PCDH15: variants seen among roughly 807,000 people sequenced by gnomAD.
PCDH15 encodes the protein protocadherin-15.
Under a neutral mutation model 178.5 loss-of-function variants are expected in PCDH15, and 129 were observed. The observed-to-expected ratio is 0.72, with a 90% CI of 0.63 to 0.84. The LOEUF is 0.84. PCDH15 is among the 40% of genes least tolerant of loss of function. PCDH15 has a pLI of 0.00. For missense variants in PCDH15, 2,230 were observed against 2,099.9 expected (o/e 1.06, Z -1.21); for synonymous variants, 800 against 732.0 (o/e 1.09, Z -1.50).
At chr10:55,555,706 A>C (rs1257023160) in intron 2 of PCDH15, among the ~76,000 whole-genome samples, 5 of 152,122 alleles carry the variant, frequency 3.3e-5, no homozygotes, top group Non-Finnish European at 5.9e-5. Flanking sequence ...ACATGTTAGA[A>C]GTAATGAGGG....
chr10:54,359,244 G>T (rs1457889061), intron 5 of PCDH15, among the ~76,000 whole-genome samples: 3 of 151,622 alleles, frequency 2.0e-5, no homozygotes, highest in East Asian at 3.9e-4. Flanking sequence ...ACTTTTTAAA[G>T]CTTAAATAAA....
At chr10:55,124,843 A>G (rs998067578) in intron 2 of PCDH15, among the ~76,000 whole-genome samples, 3 of 152,094 alleles carry the variant, frequency 2.0e-5, no homozygotes, top group African/African-American at 7.2e-5. Context: ...TGACAGGTGT[A>G]AAAACTAAGA....
intron 23 of PCDH15, among the ~76,000 whole-genome samples, chr10:53,955,719 G>A (rs1467158411): frequency 6.6e-6 from 1 of 152,110 alleles, no homozygotes; most frequent in Non-Finnish European, 1.5e-5. Flanking sequence ...ACAAGAAGTA[G>A]AAGTTTTTTC....
rs114912002 is a variant in PCDH15, at chr10:54,418,079, T to C, written c.158-39137A>G. Among the ~76,000 whole-genome samples the C allele has an allele frequency of 8.5e-3, 1,290 of 151,910 alleles. 22 individuals carry two copies. Among genetic ancestry groups the C allele is most frequent in the African/African-American group, 0.03 (1,226 of 41,516 alleles). On this transcript the variant is annotated intron_variant, in intron 3 of 37. Transcript: ENST00000644397. ...GCCCAGCCACTGTGCCCAGCCACAA[T>C]TGCCACTGTGCCCAGCCACAGTCAG...
intron 21 of PCDH15, among the ~76,000 whole-genome samples, chr10:53,984,148 C>CTTTTCTTTTTTTT (rs2090922522): frequency 1.6e-5 from 1 of 63,560 alleles, no homozygotes; most frequent in African/African-American, 5.5e-5. Flanking sequence ...TTTTTCTTTT[C>CTTTTCTTTTTTTT]TTTTTTTTTT....
At chr10:55,613,775 T>C (rs1437399217) in intron 2 of PCDH15, among the ~76,000 whole-genome samples, 1 of 152,154 alleles carries the variant, frequency 6.6e-6, no homozygotes, top group African/African-American at 2.4e-5. Flanking sequence ...AAATCATTCG[T>C]AGGACAAGGG....
intron 21 of PCDH15, among the ~76,000 whole-genome samples, chr10:53,963,049 T>A (rs184521091): frequency 4.9e-4 from 75 of 152,342 alleles, no homozygotes; most frequent in Admixed American, 1.1e-3. Flanking sequence ...ATTATTCTGA[T>A]GAAGAAGAAG....
chr10:54,569,644 T>A (rs2089517320), intron 2 of PCDH15, among the ~76,000 whole-genome samples: 1 of 152,144 alleles, frequency 6.6e-6, no homozygotes, highest in Non-Finnish European at 1.5e-5. Flanking sequence ...CAAGGTTGGC[T>A]TTGGGGGATT....
intron 7 of PCDH15, among the ~76,000 whole-genome samples, chr10:54,322,348 TC>T (rs2061666160): frequency 1.3e-5 from 2 of 151,916 alleles, no homozygotes; most frequent in Admixed American, 6.6e-5. Context: ...GCATTTCTCT[TC>T]TTTTTTAAAA....
chr10:54,559,850 TAAAAAAAAAAAA>T (rs80250003), intron 2 of PCDH15, among the ~76,000 whole-genome samples: 3 of 73,102 alleles, frequency 4.1e-5, no homozygotes, highest in Non-Finnish European at 8.4e-5. Context: ...TGTCTTATAG[TAAAAAAAAAAAA>T]AAAAAAAAAA....
chr10:54,150,572 A>G (rs1271657264), intron 14 of PCDH15, among the ~76,000 whole-genome samples: 3 of 151,810 alleles, frequency 2.0e-5, no homozygotes, highest in Non-Finnish European at 4.4e-5. Context: ...TCTTCATTAG[A>G]TTTTATTGTA....
At chr10:55,250,701 T>C (rs2132223251) in intron 1 of PCDH15, among the ~76,000 whole-genome samples, 1 of 151,418 alleles carries the variant, frequency 6.6e-6, no homozygotes, top group African/African-American at 2.4e-5. Context: ...CACACCCAGC[T>C]ATTTTTTGTA....
Position 55,433,418 on chromosome 10 carries a change from T to C in PCDH15, c.-156+194207A>G, listed in dbSNP as rs1176019751. ...GTAACAACAGCGACCATGGCCCACT[T>C]AAGGGCAGAGCATGAGAGGAGGGAG... On this transcript the variant is annotated intron_variant, in intron 2 of 5. Coordinates refer to the PCDH15 transcript ENST00000613346. Among the ~76,000 whole-genome samples the C allele has an allele frequency of 2.0e-5, 3 of 152,172 alleles. No homozygotes were observed. The East Asian group carries it at 5.8e-4, about 29-fold the overall frequency.
chr10:55,541,278 G>GACATTA (rs1841754136), intron 2 of PCDH15, among the ~76,000 whole-genome samples: 1 of 151,862 alleles, frequency 6.6e-6, no homozygotes, highest in Non-Finnish European at 1.5e-5. Flanking sequence ...AAAAGATCTA[G>GACATTA]GTATGTTGAC....
Position 54,369,219 on chromosome 10 carries a change from C to T in PCDH15, c.375G>A (p.Val125=). ...VVQVQCINKK[V]GTIIYHEVRI... is the part of the protein sequence containing the mutation. ...GCACTTCATGGTAGATAATAGTGCCCACTTTTTTGTTGATGCACTGGACCT... is the reference window on the plus strand; with the variant it reads ...GCACTTCATGGTAGATAATAGTGCCTACTTTTTTGTTGATGCACTGGACCT... Residue 125 remains valine (V), a synonymous_variant, in exon 5 of 38, where the codon GTG becomes GTA. Transcript: ENST00000644397. 1 of 1,612,832 alleles carries T rather than the reference C, an allele frequency of 6.2e-7. No homozygotes were observed. The highest frequency in any genetic ancestry group is 8.5e-7 in the Non-Finnish European group (1 of 1,179,338).
intron 2 of PCDH15, among the ~76,000 whole-genome samples, chr10:55,076,430 GT>G (rs35278239): frequency 0.084 from 11,682 of 138,756 alleles, 616 homozygotes; most frequent in African/African-American, 0.15. Context: ...CTCTTGCTGT[GT>G]TTTTTTTTTT....
At chr10:55,471,240 A>G (rs558135267) in intron 2 of PCDH15, among the ~76,000 whole-genome samples, 1 of 152,312 alleles carries the variant, frequency 6.6e-6, no homozygotes, top group South Asian at 2.1e-4. Context: ...TCACATATAC[A>G]AAGTTTAATT....
rs937999299 is a variant in PCDH15, at chr10:54,189,445, T to G, written c.1306-4177A>C. ...ATGTAAATGATCACAACCGCACATA[T>G]GAAGAAAAAGCAAACCACTTCCAGC... On this transcript the variant is annotated intron_variant, in intron 11 of 37. Coordinates refer to ENST00000644397, the MANE Select transcript of PCDH15 (RefSeq NM_001384140.1). 3.9e-6 allele frequency: 5 copies of G among 1,276,478 alleles called. No individual in the cohort carries two copies. The African/African-American group carries it at 7.6e-5, about 19-fold the overall frequency. 79.1% of individuals were successfully genotyped at this position (1,276,478 alleles called of 1,614,324 possible). A position where few individuals can be genotyped will look rare whatever the true frequency, so the allele number is the denominator to read the frequency against.
chr10:54,076,249 C>A (rs1345980383), intron 17 of PCDH15, among the ~76,000 whole-genome samples: 3 of 151,990 alleles, frequency 2.0e-5, no homozygotes, highest in Non-Finnish European at 4.4e-5. Flanking sequence ...TCTTAATTAA[C>A]TCATTCATTT....
Sources: allele counts gnomAD v4.1 joint callset (sites outside exome capture counted in the v4.1 genomes callset), GRCh38; gene constraint gnomAD v4.1.1; transcripts MANE v1.5; gene names NCBI Gene and HGNC (gene_info 2026-07-23, HGNC 2026-07-21).